The following SORL1 variants were observed in gnomAD, a reference collection of about 807,000 sequenced individuals.
The protein encoded by SORL1 is sortilin related receptor 1.
Under a neutral mutation model 273.7 loss-of-function variants are expected in SORL1, and 127 were observed. That is an observed-to-expected ratio of 0.46 (90% CI 0.40 to 0.54). The LOEUF (loss-of-function observed/expected upper bound fraction) is 0.54, where lower values mean the gene tolerates loss of function less well. Among genes scored for constraint, SORL1 ranks in the 20% least tolerant of loss-of-function variants. The probability of loss-of-function intolerance (pLI) is 0.00; values close to 1 mark genes in which losing one functional copy is unlikely to be tolerated. For missense variants in SORL1, 2,494 were observed against 2,846.1 expected, an observed-to-expected ratio of 0.88 and a Z score of 2.81; for synonymous variants, 1,031 against 1,067.4, an observed-to-expected ratio of 0.97 and a Z score of 0.66.
intron 1 of SORL1, among the ~76,000 whole-genome samples, chr11:121,462,636 G>A (rs866803885): frequency 6.6e-6 from 1 of 152,158 alleles, no homozygotes; most frequent in Non-Finnish European, 1.5e-5. Flanking sequence ...CCAGGCTGGA[G>A]TGCAGTGGCA....
intron 2 of SORL1, among the ~76,000 whole-genome samples, chr11:121,476,550 C>G (rs1446855874): frequency 6.6e-6 from 1 of 152,198 alleles, no homozygotes; most frequent in African/African-American, 2.4e-5. Context: ...TGTCTAAAGA[C>G]TATGTCTTTT....
intron 1 of SORL1, among the ~76,000 whole-genome samples, chr11:121,461,020 C>A (rs1002550420): frequency 2.6e-5 from 4 of 152,002 alleles, no homozygotes. Flanking sequence ...GGAGTGGGGA[C>A]AGAGCAGAGT....
chr11:121,532,631 C>T (rs931665161), intron 12 of SORL1, 79 bp downstream of exon 12: 2 of 1,190,808 alleles, frequency 1.7e-6, no homozygotes, highest in African/African-American at 1.5e-5. Context: ...TGGATTATCT[C>T]TCTATAGCAC....
At chr11:121,467,684 G>A (rs1044668426) in intron 1 of SORL1, among the ~76,000 whole-genome samples, 1 of 152,340 alleles carries the variant, frequency 6.6e-6, no homozygotes, top group South Asian at 2.1e-4. Flanking sequence ...GTGAGTTTCT[G>A]ATCTCCAGAT....
At chr11:121,608,015 T>C in intron 37 of SORL1, 89 bp from the exon 38 acceptor site, 1 of 1,191,834 alleles carries the variant, frequency 8.4e-7, no homozygotes, top group South Asian at 1.3e-5. Context: ...TGCCAAAATC[T>C]CACCCCTTTA....
At chr11:121,497,132 G>C in intron 6 of SORL1, 83 bp downstream of exon 6, 1 of 1,153,082 alleles carries the variant, frequency 8.7e-7, no homozygotes, top group South Asian at 1.4e-5. Context: ...AGGTGAGTTT[G>C]CATACACAGG....
At chr11:121,521,396 G>A (rs941031549) in intron 9 of SORL1, among the ~76,000 whole-genome samples, 2 of 152,156 alleles carry the variant, frequency 1.3e-5, no homozygotes, top group Admixed American at 1.3e-4. Context: ...GTGAGATCCT[G>A]GGATAGTTGG....
chr11:121,570,151 G>A lies in SORL1; in HGVS notation c.3224-6G>A. ...ATTTCCTCCCCTGCCGCACTCTGAT[G>A]GGTAGAGAACACCTGTCTTCGCAAC... On this transcript the variant is annotated splice_polypyrimidine_tract_variant and splice_region_variant and intron_variant, in intron 22 of 47. Coordinates refer to ENST00000260197, the MANE Select transcript of SORL1 (RefSeq NM_003105.6). 6.2e-7 allele frequency: 1 copy of A among 1,601,774 alleles called. No individual in the cohort carries two copies. Among genetic ancestry groups the A allele is most frequent in the Non-Finnish European group, 8.6e-7 (1 of 1,169,128 alleles).
chr11:121,586,164 G>A (rs1863103154), intron 26 of SORL1, 58 bp from the exon 27 acceptor site: 2 of 1,390,390 alleles, frequency 1.4e-6, no homozygotes, highest in Non-Finnish European at 2.0e-6. Flanking sequence ...AGCACTGTGT[G>A]TGAGTGCCTG....
At position 121,605,394 on chromosome 11, in the gene SORL1, T is replaced by G. The variant is rs762449238; in HGVS notation, c.4779-8T>G. The G allele has an allele frequency of 1.6e-5, 25 of 1,602,430 alleles. No individual in the cohort carries two copies. The highest frequency in any genetic ancestry group is 5.1e-5 in the Admixed American group (3 of 58,754). Reference sequence around the variant, plus strand: ...GTGTGACAATATCTTTATTTTTTTTTGGGCCAGGGTGGTTGGAGAGAGCAT... The same window carrying G: ...GTGTGACAATATCTTTATTTTTTTTGGGGCCAGGGTGGTTGGAGAGAGCAT... On this transcript the variant is annotated splice_polypyrimidine_tract_variant and splice_region_variant and intron_variant, in intron 34 of 47. Transcript: ENST00000260197.
At chr11:121,475,845 T>C (rs1463797446) in intron 2 of SORL1, among the ~76,000 whole-genome samples, 1 of 152,228 alleles carries the variant, frequency 6.6e-6, no homozygotes, top group East Asian at 1.9e-4. Flanking sequence ...ACTCACTGAT[T>C]CATTCAATTC....
intron 44 of SORL1, 130 bp from the exon 45 acceptor site, chr11:121,622,032 T>C (rs1863730501): frequency 1.6e-6 from 1 of 607,938 alleles, no homozygotes; most frequent in Non-Finnish European, 2.9e-6. Context: ...CTCAGCAATC[T>C]ATGTGTTTTA....
chr11:121,586,761 C>T (rs1863122350), intron 27 of SORL1, among the ~76,000 whole-genome samples: 1 of 151,192 alleles, frequency 6.6e-6, no homozygotes, highest in Non-Finnish European at 1.5e-5. Context: ...TTTCTTTAGC[C>T]CCAGAAAGAT....
chr11:121,587,647 G>A lies in SORL1; in HGVS notation c.3815-373G>A, dbSNP rs202041540. On this transcript the variant is annotated intron_variant, in intron 27 of 47. Coordinates refer to ENST00000260197, the MANE Select transcript of SORL1 (RefSeq NM_003105.6). ...CTTACAGAAAAATTTGCCTACCCCC[G>A]TATTAGAGAGTCAGTATCTATTAAT... Among the ~76,000 whole-genome samples, 84 of 152,254 alleles carry A rather than the reference G, an allele frequency of 5.5e-4. 2 individuals are homozygous for A. The South Asian group carries it at 6.8e-3, about 12-fold the overall frequency.
At chr11:121,536,023 A>T (rs1348402998) in intron 12 of SORL1, among the ~76,000 whole-genome samples, 1 of 152,342 alleles carries the variant, frequency 6.6e-6, no homozygotes, top group African/African-American at 2.4e-5. Context: ...AAGAAGATTC[A>T]AACACGTTTG....
rs775294149 is a variant in SORL1 at position 121,570,258 on chromosome 11, G to A, written c.3325G>A (p.Glu1109Lys). ...FDNDCGDMSDERNCPTTICDL... is the reference protein window; with the variant it reads ...FDNDCGDMSDKRNCPTTICDL... ...CAACGACTGTGGAGACATGAGCGATGAGAGAAACTGCCGTGAGTCTTCTGG... is the reference window on the plus strand; with the variant it reads ...CAACGACTGTGGAGACATGAGCGATAAGAGAAACTGCCGTGAGTCTTCTGG... Residue 1109 changes from glutamate to lysine, a missense_variant, in exon 23 of 48, where the codon GAG becomes AAG. Glu to Lys is a moderately conservative substitution (Grantham distance 56, BLOSUM62 1). Transcript: ENST00000260197. 1 of 1,611,610 alleles carries A rather than the reference G, an allele frequency of 6.2e-7. No individual in the cohort carries two copies. The highest frequency in any genetic ancestry group is 1.1e-5 in the South Asian group (1 of 91,008).
intron 25 of SORL1, among the ~76,000 whole-genome samples, chr11:121,580,665 C>T (rs1433724534): frequency 1.7e-4 from 24 of 137,306 alleles, no homozygotes; most frequent in South Asian, 6.9e-4. Flanking sequence ...AGGGTAGTGG[C>T]GCGATGACAG....
chr11:121,599,302 T>C (rs1366255181), intron 32 of SORL1, among the ~76,000 whole-genome samples: 3 of 152,226 alleles, frequency 2.0e-5, no homozygotes, highest in East Asian at 1.9e-4. Context: ...CCCAGCACTT[T>C]GGGAGGCCAA....
chr11:121,555,498 T>A (rs556349), intron 18 of SORL1, among the ~76,000 whole-genome samples, 180 bp downstream of exon 18: 4 of 151,928 alleles, frequency 2.6e-5, no homozygotes, highest in African/African-American at 9.7e-5. Context: ...TAAGTACCTG[T>A]GAGTTGATCT....
Sources: allele counts gnomAD v4.1 joint callset (sites outside exome capture counted in the v4.1 genomes callset), GRCh38; gene constraint gnomAD v4.1.1; transcripts MANE v1.5; gene names NCBI Gene and HGNC (gene_info 2026-07-23, HGNC 2026-07-21).